TTC7B: variants seen among roughly 807,000 people sequenced by gnomAD.
TTC7B encodes the protein tetratricopeptide repeat protein 7B.
In TTC7B, 28 loss-of-function variants were observed where a neutral mutation model predicts 106.8. That is an observed-to-expected ratio of 0.26 (90% CI 0.19 to 0.36). The LOEUF (loss-of-function observed/expected upper bound fraction) is 0.36, where lower values mean the gene tolerates loss of function less well. TTC7B is among the 10% of genes least tolerant of loss of function. The pLI is 1.00. For synonymous variants in TTC7B, 405 were observed against 430.6 expected (o/e 0.94, Z 0.74); for missense variants, 862 against 1,076.4 (o/e 0.80, Z 2.79).
At chr14:90,710,816 C>G (rs1311078927) in intron 5 of TTC7B, among the ~76,000 whole-genome samples, 1 of 152,134 alleles carries the variant, frequency 6.6e-6, no homozygotes, top group Non-Finnish European at 1.5e-5. Context: ...TAACAGAATA[C>G]AGTATAGTGT....
intron 3 of TTC7B, among the ~76,000 whole-genome samples, chr14:90,771,639 C>G (rs1432976888): frequency 6.6e-6 from 1 of 151,782 alleles, no homozygotes; most frequent in African/African-American, 2.4e-5. Flanking sequence ...CACCGTGCAG[C>G]CTTTACAAAC....
At chr14:90,676,295 G>A (rs1006398154) in intron 9 of TTC7B, 5 of 401,686 alleles carry the variant, frequency 1.2e-5, no homozygotes, top group African/African-American at 8.1e-5. Flanking sequence ...TCACAGCCTG[G>A]TGGGTTATGG....
chr14:90,607,530 T>A (rs1892695048), intron 17 of TTC7B, among the ~76,000 whole-genome samples: 1 of 152,272 alleles, frequency 6.6e-6, no homozygotes, highest in Non-Finnish European at 1.5e-5. Flanking sequence ...TGATCTCGGA[T>A]AAGTTCCTTT....
chr14:90,802,789 G>GGCGTGGAGAGGCAGAGAGCC lies in TTC7B; in HGVS notation c.121+13385_121+13386insGGCTCTCTGCCTCTCCACGC, dbSNP rs1184295420. ...GAGAGGCAGAGAGCCGGGTGTAACAGGGCAGGGACACTGTCAAGCAGCGGG... is the reference window on the plus strand; with the variant it reads ...GAGAGGCAGAGAGCCGGGTGTAACAGGCGTGGAGAGGCAGAGAGCCGGCAGGGACACTGTCAAGCAGCGGG... On this transcript the variant is annotated intron_variant, in intron 1 of 19. Transcript: ENST00000328459. The surrounding 1 kb of genome is among the most constrained non-coding windows in gnomAD (Gnocchi z 4.7). 6.6e-6 allele frequency among the ~76,000 whole-genome samples: 1 copy of GGCGTGGAGAGGCAGAGAGCC among 152,134 alleles called. No homozygotes were observed. The highest frequency in any genetic ancestry group is 6.6e-5 in the Admixed American group (1 of 15,260).
chr14:90,689,919 T>C (rs372511378), intron 6 of TTC7B, among the ~76,000 whole-genome samples: 1 of 152,302 alleles, frequency 6.6e-6, no homozygotes, highest in East Asian at 1.9e-4. Context: ...GTTTGAACAC[T>C]TAAAAGGTTC....
intron 5 of TTC7B, among the ~76,000 whole-genome samples, chr14:90,704,217 G>A (rs1345390138): frequency 6.6e-6 from 1 of 152,168 alleles, no homozygotes; most frequent in Non-Finnish European, 1.5e-5. Context: ...CCACCATCCG[G>A]CCCTTCATTC....
intron 4 of TTC7B, among the ~76,000 whole-genome samples, chr14:90,741,428 G>C (rs1430172475): frequency 6.6e-6 from 1 of 152,192 alleles, no homozygotes; most frequent in Non-Finnish European, 1.5e-5. Flanking sequence ...GCCCCAGCGA[G>C]CAGAAGTTTC....
At chr14:90,776,896 T>C (rs1891047355) in intron 3 of TTC7B, among the ~76,000 whole-genome samples, 1 of 152,188 alleles carries the variant, frequency 6.6e-6, no homozygotes, top group Non-Finnish European at 1.5e-5. Flanking sequence ...GTTTCTTTTC[T>C]GTAAAATGGA....
intron 19 of TTC7B, among the ~76,000 whole-genome samples, chr14:90,574,421 T>C (rs1453975557): frequency 6.6e-6 from 1 of 152,226 alleles, no homozygotes; most frequent in Non-Finnish European, 1.5e-5. Context: ...CTGCCTCCCT[T>C]GTCTTGTGCT....
At chr14:90,755,085 C>A (rs568077470) in intron 3 of TTC7B, among the ~76,000 whole-genome samples, 11 of 152,286 alleles carry the variant, frequency 7.2e-5, no homozygotes, top group African/African-American at 2.6e-4. Context: ...TACGGATACA[C>A]CACTTTCTAT....
rs1427023889 is a variant in TTC7B at position 90,816,338 on chromosome 14, C to T, written c.-43G>A. The T allele has an allele frequency of 1.3e-5, 12 of 955,874 alleles. No homozygotes were observed. In the African/African-American group the frequency reaches 2.0e-4, roughly 16 times the overall value. The allele number at this position is 955,874 out of a possible 1,614,324, so 59.2% of individuals were successfully genotyped here. ...CGGCCGCCCGCCCCGCAGGCCCCAC[C>T]GCCGCCGCCGCGGCGCCCCCTCGCC... On this transcript the variant is annotated 5_prime_UTR_variant, in exon 1 of 20. Coordinates refer to ENST00000328459, the MANE Select transcript of TTC7B (RefSeq NM_001010854.2).
intron 16 of TTC7B, among the ~76,000 whole-genome samples, chr14:90,613,868 T>C (rs1049515802): frequency 6.6e-6 from 1 of 152,270 alleles, no homozygotes; most frequent in Non-Finnish European, 1.5e-5. Context: ...GATGCGCACA[T>C]GCAGGGACTT....
chr14:90,612,988 G>A (rs557691303), intron 16 of TTC7B, among the ~76,000 whole-genome samples: 4 of 152,226 alleles, frequency 2.6e-5, no homozygotes, highest in South Asian at 2.1e-4. Context: ...GGGAAACAGC[G>A]TTCAGTTACA....
At chr14:90,708,145 CAAAAAAAAAA>C (rs56260414) in intron 5 of TTC7B, among the ~76,000 whole-genome samples, 15 of 61,308 alleles carry the variant, frequency 2.4e-4, no homozygotes, top group East Asian at 8.0e-4. Flanking sequence ...GACTCCATCT[CAAAAAAAAAA>C]AAAAAAAAAA....
At chr14:90,743,702 G>A (rs1337345743) in intron 4 of TTC7B, among the ~76,000 whole-genome samples, 1 of 152,212 alleles carries the variant, frequency 6.6e-6, no homozygotes, top group African/African-American at 2.4e-5. Flanking sequence ...TGGGCTAAGT[G>A]CCTTTATTCA....
chr14:90,603,669 T>C (rs1892522789), intron 17 of TTC7B, among the ~76,000 whole-genome samples: 2 of 152,286 alleles, frequency 1.3e-5, no homozygotes. Flanking sequence ...TCCAGTGGTT[T>C]GTAGGGTTGG....
In TTC7B at chr14:90,802,969, T is replaced by TAAA. The variant is rs34070744; in HGVS notation, c.121+13203_121+13205dup. ...CAACATGGTGAAACCCCATCTCTGC[T>TAAA]AAAAAAAAAAAAAAATACAAAAAAT... On this transcript the variant is annotated intron_variant, in intron 1 of 19. Coordinates refer to ENST00000328459, the MANE Select transcript of TTC7B (RefSeq NM_001010854.2). This position sits in a 1 kb window ranked among gnomAD's most constrained non-coding sequence, Gnocchi z 4.7. 7.1e-6 allele frequency among the ~76,000 whole-genome samples: 1 copy of TAAA among 141,486 alleles called. No individual in the cohort carries two copies. The highest frequency in any genetic ancestry group is 2.6e-5 in the African/African-American group (1 of 37,958). The allele number at this position is 141,486 out of a possible 152,430, so 92.8% of individuals were successfully genotyped here. A position where few individuals can be genotyped will look rare whatever the true frequency, so the allele number is the denominator to read the frequency against.
chr14:90,682,268 A>T (rs1330455563), intron 7 of TTC7B, among the ~76,000 whole-genome samples: 1 of 152,160 alleles, frequency 6.6e-6, no homozygotes, highest in East Asian at 1.9e-4. Context: ...AGCCTGCTTA[A>T]ATGCTAGTTT....
In TTC7B at chr14:90,533,604, CAG is replaced by C. The variant is rs1018109963; in HGVS notation, c.*7762_*7763del. The C allele has an allele frequency of 9.8e-5, 15 of 152,418 alleles. No homozygotes were observed. Among genetic ancestry groups the C allele is most frequent in the African/African-American group, 3.6e-4 (15 of 41,474 alleles). 9.4% of individuals were successfully genotyped at this position (152,418 alleles called of 1,614,324 possible). A position where few individuals can be genotyped will look rare whatever the true frequency, so the allele number is the denominator to read the frequency against. On this transcript the variant is annotated 3_prime_UTR_variant, in exon 20 of 20. Transcript: ENST00000328459. ...CTCCCCGACCATAGAGATGAGGAGA[CAG>C]AGTGCTTCCCCATCAGAGGTGACAC... is the stretch of plus-strand genomic sequence containing the variant.
Sources: allele counts gnomAD v4.1 joint callset (sites outside exome capture counted in the v4.1 genomes callset), GRCh38; gene constraint gnomAD v4.1.1; non-coding constraint Gnocchi (gnomAD v3.1); transcripts MANE v1.5; gene names NCBI Gene and HGNC (gene_info 2026-07-23, HGNC 2026-07-21).